Variants in USP53 observed in about 807,000 individuals in gnomAD.
USP53 encodes the protein ubiquitin specific peptidase 53.
Under a neutral mutation model 94.9 loss-of-function variants are expected in USP53, and 71 were observed. The observed-to-expected ratio is 0.75, with a 90% CI of 0.62 to 0.91. The LOEUF (loss-of-function observed/expected upper bound fraction) is 0.91. Ranked by LOEUF, USP53 falls within the 40% of genes least tolerant of loss-of-function variation. The pLI is 0.00. For missense variants in USP53, 1,173 were observed against 1,281.0 expected (o/e 0.92, Z 1.29); for synonymous variants, 375 against 422.7 (o/e 0.89, Z 1.39).
intron 7 of USP53, among the ~76,000 whole-genome samples, chr4:119,251,069 C>A (rs774991124): frequency 1.3e-5 from 2 of 151,426 alleles, no homozygotes; most frequent in Admixed American, 6.6e-5. Flanking sequence ...CCCCACCCCC[C>A]ACAGGCCTCA....
At chr4:119,235,706 C>A (rs1308544096) in intron 4 of USP53, among the ~76,000 whole-genome samples, 1 of 152,142 alleles carries the variant, frequency 6.6e-6, no homozygotes, top group African/African-American at 2.4e-5. Context: ...ATTACTATTT[C>A]TCCGCTATAC....
chr4:119,226,129 A>C (rs1011033995), intron 3 of USP53, among the ~76,000 whole-genome samples: 19 of 152,236 alleles, frequency 1.2e-4, no homozygotes, highest in African/African-American at 4.6e-4. Flanking sequence ...CAACTGTTTA[A>C]TATAAAAGTT....
intron 17 of USP53, among the ~76,000 whole-genome samples, chr4:119,279,937 C>T (rs1184424392): frequency 6.6e-6 from 1 of 152,226 alleles, no homozygotes; most frequent in Non-Finnish European, 1.5e-5. Flanking sequence ...CCAGGTGAGG[C>T]AATGCCTCGC....
rs1344153282 is a variant in USP53 at position 119,292,386 on chromosome 4, A to G, written c.2397A>G (p.Leu799=). 1 of 1,612,626 alleles carries G rather than the reference A, an allele frequency of 6.2e-7. No individual in the cohort carries two copies. Among genetic ancestry groups the G allele is most frequent in the Non-Finnish European group, 8.5e-7 (1 of 1,179,496 alleles). The change falls in exon 19 of 19, where the codon CTA becomes CTG. Residue 799 remains leucine, a synonymous_variant. Coordinates refer to ENST00000692078, the MANE Select transcript of USP53 (RefSeq NM_001371395.1). ...DNGKLFPSSS[L]QIPKDHNARE... Reference sequence around the variant, plus strand: ...GAAAGTTATTTCCTTCATCCAGTCTACAAATACCCAAGGACCATAATGCAA... The same window carrying G: ...GAAAGTTATTTCCTTCATCCAGTCTGCAAATACCCAAGGACCATAATGCAA...
chr4:119,260,950 C>T (rs932062829), intron 11 of USP53, among the ~76,000 whole-genome samples: 2 of 91,784 alleles, frequency 2.2e-5, no homozygotes, highest in African/African-American at 4.4e-5. Flanking sequence ...TGATCTCTCT[C>T]TTTTTTTTTT....
intron 2 of USP53, among the ~76,000 whole-genome samples, chr4:119,215,503 G>A (rs1322544215): frequency 1.3e-5 from 2 of 152,066 alleles, no homozygotes; most frequent in African/African-American, 4.8e-5. Context: ...GCTCTTCCAG[G>A]TTAACTCATA....
At chr4:119,279,360 G>T (rs1180519720) in intron 17 of USP53, among the ~76,000 whole-genome samples, 1 of 149,626 alleles carries the variant, frequency 6.7e-6, no homozygotes, top group Non-Finnish European at 1.5e-5. Flanking sequence ...GTACCCTGCC[G>T]TGTGAGGTGT....
chr4:119,256,587 T>G (rs1749801620), intron 9 of USP53, 64 bp downstream of exon 9: 1 of 1,521,188 alleles, frequency 6.6e-7, no homozygotes, highest in African/African-American at 1.4e-5. Flanking sequence ...CATTGAGCAC[T>G]TATTTTATAA....
intron 7 of USP53, among the ~76,000 whole-genome samples, chr4:119,252,931 G>GT (rs1389255298): frequency 6.6e-6 from 1 of 152,064 alleles, no homozygotes; most frequent in African/African-American, 2.4e-5. Flanking sequence ...TGGGTACATT[G>GT]TGTCTTTGTT....
chr4:119,272,143 A>G lies in USP53; in HGVS notation c.2174+109A>G, dbSNP rs944562452. Reference sequence around the variant, plus strand: ...AATTAAATAGAACAGAAACAGCATGAGCTGTTTTAAAGAGCTTTAAAAAGT... The same window carrying G: ...AATTAAATAGAACAGAAACAGCATGGGCTGTTTTAAAGAGCTTTAAAAAGT... On this transcript the variant is annotated intron_variant, in intron 16 of 18. Coordinates refer to ENST00000692078, the MANE Select transcript of USP53 (RefSeq NM_001371395.1). 4.1e-6 allele frequency: 5 copies of G among 1,220,056 alleles called. No homozygotes were observed. The African/African-American group carries it at 6.0e-5, about 15-fold the overall frequency. The allele number at this position is 1,220,056 out of a possible 1,614,324, so 75.6% of individuals were successfully genotyped here. A position where few individuals can be genotyped will look rare whatever the true frequency, so the allele number is the denominator to read the frequency against.
Position 119,269,849 on chromosome 4 carries a change from T to G in USP53, c.1435+12T>G. 2 of 1,359,176 alleles carry G rather than the reference T, an allele frequency of 1.5e-6. No homozygotes were observed. Among genetic ancestry groups the G allele is most frequent in the Non-Finnish European group, 1.9e-6 (2 of 1,048,452 alleles). 84.2% of individuals were successfully genotyped at this position (1,359,176 alleles called of 1,614,324 possible). ...AGGACGACATAGAGGTAAGTTAAGA[T>G]CTTGTACTATTGATTTTAAAAGGAA... is the stretch of plus-strand genomic sequence containing the variant. On this transcript the variant is annotated intron_variant, in intron 15 of 18. Transcript: ENST00000692078.
intron 7 of USP53, among the ~76,000 whole-genome samples, chr4:119,250,894 G>A (rs1578475826): frequency 8.6e-6 from 1 of 116,558 alleles, no homozygotes; most frequent in East Asian, 2.6e-4. Context: ...CTACCTAGAT[G>A]ATTCAAGTAG....
rs964823245 is a variant in USP53, at chr4:119,253,393, G to C, written c.373-2853G>C. 2.0e-5 allele frequency among the ~76,000 whole-genome samples: 3 copies of C among 152,246 alleles called. No homozygotes were observed. The East Asian group carries it at 5.8e-4, about 29-fold the overall frequency. ...ATCTAAGGACTTGCTTCATGAATCTGGGTGCTCCTGTATTGGGTGCATGTA... is the reference window on the plus strand; with the variant it reads ...ATCTAAGGACTTGCTTCATGAATCTCGGTGCTCCTGTATTGGGTGCATGTA... On this transcript the variant is annotated intron_variant, in intron 7 of 18. Coordinates refer to ENST00000692078, the MANE Select transcript of USP53 (RefSeq NM_001371395.1).
In USP53 at chr4:119,291,265, A is replaced by G; in HGVS notation, c.2348+4A>G. On this transcript the variant is annotated splice_donor_region_variant and intron_variant, in intron 18 of 18. Coordinates refer to ENST00000692078, the MANE Select transcript of USP53 (RefSeq NM_001371395.1). The stretch of plus-strand genomic sequence containing the variant: ...TAAAAAATCATTTGATAAAAAGGTA[A>G]CCATATTTTTTTTCCCTAAATACAT... 1 of 1,557,168 alleles carries G rather than the reference A, an allele frequency of 6.4e-7. No homozygotes were observed. The highest frequency in any genetic ancestry group is 8.7e-7 in the Non-Finnish European group (1 of 1,149,718).
chr4:119,238,436 G>T (rs146988362), intron 4 of USP53, among the ~76,000 whole-genome samples: 1 of 152,272 alleles, frequency 6.6e-6, no homozygotes, highest in East Asian at 1.9e-4. Context: ...GCTTGCTATC[G>T]TATATGGGAG....
intron 15 of USP53, 53 bp from the exon 16 acceptor site, chr4:119,271,243 A>T: frequency 6.6e-7 from 1 of 1,512,106 alleles, no homozygotes; most frequent in South Asian, 1.4e-5. Context: ...CCTTGTGACT[A>T]CAAGGTGGCT....
intron 11 of USP53, among the ~76,000 whole-genome samples, chr4:119,260,994 C>G (rs112535408): frequency 0.027 from 3,417 of 125,540 alleles, 52 homozygotes; most frequent in South Asian, 0.065. Flanking sequence ...GAGTCTTGCT[C>G]TGTCACTCAG....
chr4:119,247,381 T>C (rs1483827886), intron 6 of USP53, among the ~76,000 whole-genome samples: 1 of 152,236 alleles, frequency 6.6e-6, no homozygotes, highest in East Asian at 1.9e-4. Context: ...GATGTCCTCA[T>C]GGCTAACACC....
At chr4:119,267,519 A>G (rs1386521356) in intron 13 of USP53, 37 bp downstream of exon 13, 3 of 1,584,198 alleles carry the variant, frequency 1.9e-6, no homozygotes, top group East Asian at 4.5e-5. Context: ...ATGTTTTTCT[A>G]TTATCACAGT....
Sources: allele counts gnomAD v4.1 joint callset (sites outside exome capture counted in the v4.1 genomes callset), GRCh38; gene constraint gnomAD v4.1.1; transcripts MANE v1.5; gene names NCBI Gene and HGNC (gene_info 2026-07-23, HGNC 2026-07-21).